Variants in THSD7B observed in about 807,000 individuals in gnomAD.
The protein encoded by THSD7B is thrombospondin type-1 domain-containing protein 7B.
Under a neutral mutation model 213.6 loss-of-function variants are expected in THSD7B, and 138 were observed. That is an observed-to-expected ratio of 0.65 (90% CI 0.56 to 0.74). The LOEUF is 0.74. Among genes scored for constraint, THSD7B ranks in the 30% least tolerant of loss-of-function variants. The pLI is 0.00. For missense variants in THSD7B, 1,931 were observed against 1,991.5 expected (o/e 0.97, Z 0.58); for synonymous variants, 742 against 687.0 (o/e 1.08, Z -1.25).
intron 4 of THSD7B, among the ~76,000 whole-genome samples, chr2:137,101,312 G>T (rs1688145213): frequency 6.6e-6 from 1 of 152,180 alleles, no homozygotes; most frequent in African/African-American, 2.4e-5. Flanking sequence ...AAAGTCCTGG[G>T]ATTACAGGCG....
At chr2:136,874,556 T>C (rs1683494043) in intron 1 of THSD7B, among the ~76,000 whole-genome samples, 1 of 152,234 alleles carries the variant, frequency 6.6e-6, no homozygotes, top group Non-Finnish European at 1.5e-5. Context: ...AAATTGAAAC[T>C]ATTTTTACTT....
chr2:136,780,985 G>T (rs1299551145), intron 1 of THSD7B, among the ~76,000 whole-genome samples: 1 of 152,126 alleles, frequency 6.6e-6, no homozygotes, highest in African/African-American at 2.4e-5. Context: ...ATGTGAAGAA[G>T]CATATAAAGA....
intron 17 of THSD7B, among the ~76,000 whole-genome samples, chr2:137,588,747 G>T (rs1015334041): frequency 6.6e-6 from 1 of 150,480 alleles, no homozygotes; most frequent in African/African-American, 2.4e-5. Flanking sequence ...TTGGTATGTT[G>T]ACTCATGTTG....
intron 5 of THSD7B, among the ~76,000 whole-genome samples, chr2:137,116,558 T>C (rs531505018): frequency 3.9e-5 from 6 of 152,346 alleles, no homozygotes; most frequent in African/African-American, 1.4e-4. Context: ...TGTATAGAAT[T>C]GATGCATTAT....
At chr2:137,105,187 C>G (rs886858596) in intron 4 of THSD7B, among the ~76,000 whole-genome samples, 5 of 152,164 alleles carry the variant, frequency 3.3e-5, no homozygotes, top group African/African-American at 1.2e-4. Context: ...AATCCAGCAG[C>G]ACAGCAAAAA....
chr2:136,952,859 C>T (rs992323193), intron 2 of THSD7B, among the ~76,000 whole-genome samples: 5 of 151,994 alleles, frequency 3.3e-5, no homozygotes, highest in African/African-American at 9.7e-5. Context: ...AGTGGTTTAC[C>T]TTCTCCCTTG....
At chr2:137,410,673 G>A (rs2105011450) in intron 13 of THSD7B, among the ~76,000 whole-genome samples, 1 of 152,256 alleles carries the variant, frequency 6.6e-6, no homozygotes, top group Non-Finnish European at 1.5e-5. Flanking sequence ...ATGTGGCAAT[G>A]AGAAAGTAGC....
At chr2:137,242,338 C>T (rs770474730) in intron 9 of THSD7B, 119 bp from the exon 10 acceptor site, 6 of 706,570 alleles carry the variant, frequency 8.5e-6, no homozygotes, top group Non-Finnish European at 9.4e-6. Context: ...AGTCTCTCTT[C>T]CCTCACCTAT....
chr2:137,472,619 G>A (rs868778863), intron 15 of THSD7B, among the ~76,000 whole-genome samples: 4 of 152,112 alleles, frequency 2.6e-5, no homozygotes, highest in Non-Finnish European at 5.9e-5. Flanking sequence ...TTTTAGTAAA[G>A]GATATGAACA....
intron 1 of THSD7B, among the ~76,000 whole-genome samples, chr2:136,820,213 A>AG (rs1473357626): frequency 6.6e-6 from 1 of 152,238 alleles, no homozygotes; most frequent in East Asian, 1.9e-4. Context: ...GGTGCTGGAT[A>AG]GGGTGGGTGC....
intron 2 of THSD7B, among the ~76,000 whole-genome samples, chr2:136,977,574 TCTAG>T (rs1303316486): frequency 6.6e-6 from 1 of 152,166 alleles, no homozygotes; most frequent in Non-Finnish European, 1.5e-5. Context: ...TTGAGATCTT[TCTAG>T]CTTTTTGATG....
At chr2:137,141,013 T>C (rs1304822794) in intron 5 of THSD7B, among the ~76,000 whole-genome samples, 1 of 152,234 alleles carries the variant, frequency 6.6e-6, no homozygotes, top group Admixed American at 6.5e-5. Context: ...GAAAGGAGTG[T>C]TCCAGGCAGA....
Position 137,242,522 on chromosome 2 carries a change from T to C in THSD7B, c.2216T>C (p.Ile739Thr), listed in dbSNP as rs1213961966. 2 of 1,613,902 alleles carry C rather than the reference T, an allele frequency of 1.2e-6. No homozygotes were observed. Among genetic ancestry groups the C allele is most frequent in the East Asian group, 2.2e-5 (1 of 44,878 alleles). ...TTTCTCCCATGCAAAAAAGACTGTA[T>C]TGTGACTGCTTTCAGTGAGTGGACA... ...PCFLPCKKDCIVTAFSEWTPC... is the reference protein window; with the variant it reads ...PCFLPCKKDCTVTAFSEWTPC... The change falls in exon 10 of 28, where the codon ATT becomes ACT. Residue 739 changes from isoleucine to threonine, a missense_variant. By Grantham distance (89) the Ile-to-Thr change is moderately conservative (BLOSUM62 -1). Coordinates refer to ENST00000409968, the MANE Select transcript of THSD7B (RefSeq NM_001316349.2).
chr2:137,585,728 T>G lies in THSD7B; in HGVS notation c.3423+13172T>G, dbSNP rs144064106. ...ACAGTTTGTTATAATATCTGTTCTTTTACATTTGCTGAGGAGTGCTTCACT... is the reference window on the plus strand; with the variant it reads ...ACAGTTTGTTATAATATCTGTTCTTGTACATTTGCTGAGGAGTGCTTCACT... On this transcript the variant is annotated intron_variant, in intron 17 of 27. Coordinates refer to ENST00000409968, the MANE Select transcript of THSD7B (RefSeq NM_001316349.2). Among the ~76,000 whole-genome samples, 898 of 152,326 alleles carry G rather than the reference T, an allele frequency of 5.9e-3. 9 individuals carry two copies. Among genetic ancestry groups the G allele is most frequent in the African/African-American group, 0.021 (854 of 41,548 alleles).
chr2:137,255,626 G>A (rs543154940), intron 10 of THSD7B, among the ~76,000 whole-genome samples: 1 of 152,250 alleles, frequency 6.6e-6, no homozygotes, highest in Admixed American at 6.5e-5. Flanking sequence ...TTCTGACCAA[G>A]CTTTTTTCCA....
intron 2 of THSD7B, among the ~76,000 whole-genome samples, chr2:136,909,191 G>T (rs924989524): frequency 2.6e-5 from 4 of 151,916 alleles, no homozygotes; most frequent in African/African-American, 9.7e-5. Context: ...TCAAAAAAAA[G>T]GTGGGCCTCC....
At chr2:137,397,431 T>C (rs1415710827) in intron 12 of THSD7B, among the ~76,000 whole-genome samples, 2 of 152,088 alleles carry the variant, frequency 1.3e-5, no homozygotes, top group African/African-American at 4.8e-5. Flanking sequence ...GGAAGCTTAG[T>C]TTGGCTGGAT....
chr2:137,423,295 T>C, intron 14 of THSD7B, among the ~76,000 whole-genome samples: 1 of 152,060 alleles, frequency 6.6e-6, no homozygotes, highest in Non-Finnish European at 1.5e-5. Context: ...GCCATGGCAA[T>C]TAGGCAATAA....
At chr2:136,855,308 C>T (rs960442975) in intron 1 of THSD7B, among the ~76,000 whole-genome samples, 1 of 152,208 alleles carries the variant, frequency 6.6e-6, no homozygotes, top group African/African-American at 2.4e-5. Flanking sequence ...CCTATTCACA[C>T]ACCACCCTAC....
Sources: allele counts gnomAD v4.1 joint callset (sites outside exome capture counted in the v4.1 genomes callset), GRCh38; gene constraint gnomAD v4.1.1; transcripts MANE v1.5; gene names NCBI Gene and HGNC (gene_info 2026-07-23, HGNC 2026-07-21).